The following BTBD9 variants were observed in gnomAD, a reference collection of about 807,000 sequenced individuals.
BTBD9 encodes BTB/POZ domain-containing protein 9.
In BTBD9, 49 loss-of-function variants were observed where a neutral mutation model predicts 64.3. The observed-to-expected ratio is 0.76, with a 90% CI of 0.61 to 0.97. The LOEUF is 0.97. Among genes scored for constraint, BTBD9 ranks in the 50% least tolerant of loss-of-function variants. BTBD9 has a pLI of 0.00. For missense variants in BTBD9, 598 were observed against 762.1 expected (o/e 0.78, Z 2.53); for synonymous variants, 260 against 274.7 (o/e 0.95, Z 0.53).
chr6:38,499,407 T>C (rs527489518), intron 6 of BTBD9, among the ~76,000 whole-genome samples: 230 of 152,344 alleles, frequency 1.5e-3, no homozygotes, highest in African/African-American at 5.5e-3. Flanking sequence ...TTTAAGTAAC[T>C]TGTCATCTTG....
intron 1 of BTBD9, among the ~76,000 whole-genome samples, chr6:38,633,769 T>C (rs1188435035): frequency 6.6e-6 from 1 of 152,138 alleles, no homozygotes; most frequent in African/African-American, 2.4e-5. Flanking sequence ...CTTTCTCCTC[T>C]ATCAAATTAC....
At chr6:38,501,252 CTT>C (rs1254793616) in intron 6 of BTBD9, among the ~76,000 whole-genome samples, 1 of 152,126 alleles carries the variant, frequency 6.6e-6, no homozygotes, top group Non-Finnish European at 1.5e-5. Context: ...CAGAATCTGA[CTT>C]TTTTGAGTGC....
intron 6 of BTBD9, among the ~76,000 whole-genome samples, chr6:38,526,361 T>C (rs756561770): frequency 3.9e-4 from 60 of 152,214 alleles, no homozygotes; most frequent in Admixed American, 1.2e-3. Context: ...AGAGGATGTA[T>C]AGAAACATCT....
intron 9 of BTBD9, among the ~76,000 whole-genome samples, chr6:38,205,220 G>A (rs1283840052): frequency 1.3e-5 from 2 of 152,098 alleles, no homozygotes; most frequent in Non-Finnish European, 2.9e-5. Flanking sequence ...AAGATTCCAG[G>A]TTAAAGATCC....
At chr6:38,404,723 T>C (rs375905879) in intron 6 of BTBD9, among the ~76,000 whole-genome samples, 2 of 152,290 alleles carry the variant, frequency 1.3e-5, no homozygotes, top group East Asian at 3.9e-4. Flanking sequence ...AGGGATAAAC[T>C]GATGTGTTTC....
chr6:38,382,275 A>C (rs1765967994), intron 6 of BTBD9, among the ~76,000 whole-genome samples: 1 of 152,184 alleles, frequency 6.6e-6, no homozygotes, highest in South Asian at 2.1e-4. Flanking sequence ...AAGAACCTTA[A>C]TCTCAACTAA....
intron 6 of BTBD9, among the ~76,000 whole-genome samples, chr6:38,388,261 A>C (rs1766267645): frequency 6.7e-6 from 1 of 149,994 alleles, no homozygotes; most frequent in Non-Finnish European, 1.5e-5. Context: ...AACAGCTTTG[A>C]GGTTCACAGT....
intron 6 of BTBD9, among the ~76,000 whole-genome samples, chr6:38,499,012 T>C (rs1288151090): frequency 1.3e-5 from 2 of 152,200 alleles, no homozygotes; most frequent in East Asian, 1.9e-4. Context: ...GTCTAAACAA[T>C]GCCTGTCAGC....
chr6:38,403,014 A>T, intron 6 of BTBD9: 1 of 332,280 alleles, frequency 3.0e-6, no homozygotes, highest in Non-Finnish European at 5.8e-6. Flanking sequence ...CAGAGGCTGC[A>T]GTGAGCTATC....
chr6:38,464,478 G>C (rs887216789), intron 6 of BTBD9, among the ~76,000 whole-genome samples: 2 of 140,022 alleles, frequency 1.4e-5, no homozygotes, highest in Non-Finnish European at 3.1e-5. Context: ...GAGGAATATT[G>C]TCTATAATTT....
chr6:38,602,267 G>A (rs1026684513), intron 1 of BTBD9, among the ~76,000 whole-genome samples: 3 of 151,908 alleles, frequency 2.0e-5, no homozygotes, highest in Non-Finnish European at 4.4e-5. Context: ...AAATATATAT[G>A]GATGTCAGCT....
chr6:38,539,442 T>C (rs1774166427), intron 6 of BTBD9, among the ~76,000 whole-genome samples: 1 of 152,180 alleles, frequency 6.6e-6, no homozygotes, highest in African/African-American at 2.4e-5. Context: ...GGTGTGTAAA[T>C]TCATATAGGA....
At chr6:38,578,993 A>G (rs1233548061) in intron 5 of BTBD9, among the ~76,000 whole-genome samples, 3 of 152,240 alleles carry the variant, frequency 2.0e-5, no homozygotes, top group Non-Finnish European at 2.9e-5. Context: ...AAAAGTAATG[A>G]AAGTACTGCA....
chr6:38,621,076 G>A (rs1582729840), intron 1 of BTBD9, among the ~76,000 whole-genome samples: 1 of 152,182 alleles, frequency 6.6e-6, no homozygotes, highest in South Asian at 2.1e-4. Flanking sequence ...AATTGATATA[G>A]TAGCAAAGAG....
intron 6 of BTBD9, among the ~76,000 whole-genome samples, chr6:38,562,380 T>A (rs1775300693): frequency 6.6e-6 from 1 of 152,236 alleles, no homozygotes; most frequent in African/African-American, 2.4e-5. Context: ...TTTATTTACC[T>A]TCATGGCGAA....
chr6:38,611,843 C>T (rs1777627706), intron 1 of BTBD9, among the ~76,000 whole-genome samples: 1 of 152,180 alleles, frequency 6.6e-6, no homozygotes, highest in African/African-American at 2.4e-5. Context: ...CCTTATCACA[C>T]TTTGTATGTT....
At chr6:38,479,657 C>T (rs1222453536) in intron 6 of BTBD9, among the ~76,000 whole-genome samples, 1 of 152,216 alleles carries the variant, frequency 6.6e-6, no homozygotes, top group East Asian at 1.9e-4. Flanking sequence ...TCAATCAACA[C>T]CTCTCAGAAC....
intron 4 of BTBD9, 122 bp downstream of exon 4, chr6:38,592,453 GT>G (rs1222977263): frequency 6.5e-6 from 7 of 1,069,924 alleles, no homozygotes; most frequent in Admixed American, 2.3e-5. Context: ...TAGGCTAGCT[GT>G]TTATAAACGT....
Position 38,180,265 on chromosome 6 carries a change from T to A in BTBD9, c.1642-5083A>T, listed in dbSNP as rs528176090. Among the ~76,000 whole-genome samples, 8 of 152,298 alleles carry A rather than the reference T, an allele frequency of 5.3e-5. No individual in the cohort carries two copies. The East Asian group carries it at 1.4e-3, about 26-fold the overall frequency. On this transcript the variant is annotated intron_variant, in intron 10 of 10. Coordinates refer to ENST00000481247, the MANE Select transcript of BTBD9 (RefSeq NM_001099272.2). ...GCGGGAGTGAAAAGCAAGCCTGTCG[T>A]GGGGAAACTGGCACCTTCACTGGTG... is the stretch of plus-strand genomic sequence containing the variant.
Sources: allele counts gnomAD v4.1 joint callset (sites outside exome capture counted in the v4.1 genomes callset), GRCh38; gene constraint gnomAD v4.1.1; transcripts MANE v1.5; gene names NCBI Gene and HGNC (gene_info 2026-07-23, HGNC 2026-07-21).